RUFY1: variants seen among roughly 807,000 people sequenced by gnomAD.
RUFY1 encodes RUN and FYVE domain-containing protein 1.
RUFY1 carries 54 observed loss-of-function variants against 94.6 expected under a neutral mutation model. The ratio of observed to expected loss-of-function variants is 0.57; its 90% CI spans 0.46 to 0.72. The LOEUF (loss-of-function observed/expected upper bound fraction) is 0.72, where lower values mean the gene tolerates loss of function less well. RUFY1 is among the 30% of genes least tolerant of loss of function. RUFY1 has a pLI of 0.00. For missense variants in RUFY1, 883 were observed against 883.9 expected (o/e 1.00, Z 0.01); for synonymous variants, 396 against 347.3 (o/e 1.14, Z -1.56).
intron 5 of RUFY1, among the ~76,000 whole-genome samples, chr5:179,571,887 A>G (rs1300721886): frequency 6.6e-6 from 1 of 151,986 alleles, no homozygotes; most frequent in South Asian, 2.1e-4. Flanking sequence ...ATTAAAGACT[A>G]AGCACATTGA....
intron 15 of RUFY1, among the ~76,000 whole-genome samples, chr5:179,603,934 G>A (rs1311595081): frequency 6.6e-6 from 1 of 152,192 alleles, no homozygotes; most frequent in Non-Finnish European, 1.5e-5. Flanking sequence ...GAGCGCGCCT[G>A]TAATCCCAGC....
intron 9 of RUFY1, 57 bp downstream of exon 9, chr5:179,589,704 CAA>C: frequency 7.9e-7 from 1 of 1,262,126 alleles, no homozygotes. Context: ...CACCTATTGT[CAA>C]TCTCAAGCTC....
intron 5 of RUFY1, among the ~76,000 whole-genome samples, chr5:179,574,458 G>A (rs77842641): frequency 0.15 from 22,561 of 152,072 alleles, 1,760 homozygotes; most frequent in South Asian, 0.22. Flanking sequence ...GTTTTCTACC[G>A]CAGCTTATTA....
At chr5:179,599,893 GAC>G (rs1250186894) in intron 14 of RUFY1, among the ~76,000 whole-genome samples, 7 of 152,218 alleles carry the variant, frequency 4.6e-5, no homozygotes, top group African/African-American at 1.7e-4. Context: ...CGTGGTAATG[GAC>G]ACACTGCACG....
intron 5 of RUFY1, chr5:179,572,601 C>A: frequency 8.9e-6 from 2 of 224,706 alleles, no homozygotes; most frequent in South Asian, 1.4e-4. Flanking sequence ...CTGGGGTGCT[C>A]CATGGATGAG....
At chr5:179,560,780 C>T (rs1762400337) in intron 2 of RUFY1, among the ~76,000 whole-genome samples, 1 of 150,310 alleles carries the variant, frequency 6.7e-6, no homozygotes, top group African/African-American at 2.4e-5. Context: ...AGATGCCTTT[C>T]TGTGGGGATA....
At chr5:179,564,072 A>C (rs1160423597) in intron 3 of RUFY1, among the ~76,000 whole-genome samples, 2 of 143,674 alleles carry the variant, frequency 1.4e-5, no homozygotes, top group African/African-American at 5.2e-5. Flanking sequence ...CAGCTCACTC[A>C]CTCCCTCAAG....
chr5:179,570,010 C>A lies in RUFY1; in HGVS notation c.828+585C>A, dbSNP rs538537466. On this transcript the variant is annotated intron_variant, in intron 5 of 17. Transcript: ENST00000319449. ...CCGCCCACCTCGGCCTCCCAAAGTG[C>A]TGGGATTACAGGCGTGAGCCACTGC... Among the ~76,000 whole-genome samples the A allele has an allele frequency of 2.6e-3, 397 of 152,034 alleles. 1 individual carries two copies. Among genetic ancestry groups the A allele is most frequent in the Non-Finnish European group, 4.9e-3 (331 of 67,992 alleles).
At position 179,574,327 on chromosome 5, in the gene RUFY1, A is replaced by G. The variant is rs185133391; in HGVS notation, c.829-2748A>G. ...GGAGAATCGCTGGAACCTGGGAGGC[A>G]GAGGCTGCAGTGAGCTGAGACCGTG... On this transcript the variant is annotated intron_variant, in intron 5 of 17. Transcript: ENST00000319449. 6.1e-3 allele frequency among the ~76,000 whole-genome samples: 927 copies of G among 152,292 alleles called. 5 individuals carry two copies. Among genetic ancestry groups the G allele is most frequent in the South Asian group, 0.021 (101 of 4,828 alleles).
intron 2 of RUFY1, among the ~76,000 whole-genome samples, chr5:179,561,768 C>T (rs1181179371): frequency 2.1e-5 from 3 of 144,604 alleles, no homozygotes; most frequent in Non-Finnish European, 3.0e-5. Context: ...CTGCAAGCTC[C>T]TCCTCCCAGG....
chr5:179,583,991 G>A (rs952303915), intron 7 of RUFY1, among the ~76,000 whole-genome samples: 48 of 151,876 alleles, frequency 3.2e-4, no homozygotes, highest in African/African-American at 9.7e-5. Flanking sequence ...GTTGTGATCC[G>A]CCCGCCTCGG....
chr5:179,574,104 A>G (rs529490405), intron 5 of RUFY1, among the ~76,000 whole-genome samples: 29 of 152,088 alleles, frequency 1.9e-4, no homozygotes, highest in Admixed American at 7.9e-4. Flanking sequence ...GAATTGTATT[A>G]GCCTCATAAA....
chr5:179,563,821 G>GC (rs557844182), intron 3 of RUFY1, among the ~76,000 whole-genome samples: 140 of 152,164 alleles, frequency 9.2e-4, no homozygotes, highest in African/African-American at 3.3e-3. Flanking sequence ...ACAGGCACGT[G>GC]CCACCACACC....
At chr5:179,551,758 C>T (rs562222642) in intron 1 of RUFY1, among the ~76,000 whole-genome samples, 1 of 150,812 alleles carries the variant, frequency 6.6e-6, no homozygotes, top group Non-Finnish European at 1.5e-5. Flanking sequence ...TGTGATACAC[C>T]TGCCTCGGCC....
At position 179,560,139 on chromosome 5, in the gene RUFY1, A is replaced by G. The variant is rs1762330424; in HGVS notation, c.425A>G (p.His142Arg). ...CTGGGCCGCAGCCTGGATGCGGACCATGCCCCCTTGCAGCAGTTCTTTGTA... is the reference window on the plus strand; with the variant it reads ...CTGGGCCGCAGCCTGGATGCGGACCGTGCCCCCTTGCAGCAGTTCTTTGTA... ...LSLGRSLDAD[H>R]APLQQFFVVM... is the part of the protein sequence containing the mutation. The change falls in exon 2 of 18, where the codon CAT (histidine) becomes CGT (arginine). Residue 142 changes from histidine to arginine, a missense_variant. Physicochemically the swap from His to Arg is conservative, Grantham distance 29. Transcript: ENST00000319449. The G allele has an allele frequency of 1.9e-6, 3 of 1,613,992 alleles. No homozygotes were observed. The highest frequency in any genetic ancestry group is 1.7e-6 in the Non-Finnish European group (2 of 1,180,004).
chr5:179,580,241 G>GTGTGTGTGTGTGTATATATA (rs149099074), intron 6 of RUFY1, among the ~76,000 whole-genome samples: 8 of 93,852 alleles, frequency 8.5e-5, no homozygotes, highest in Non-Finnish European at 1.4e-4. Context: ...GTGTGTGTGT[G>GTGTGTGTGTGTGTATATATA]TATATTTTTT....
intron 15 of RUFY1, 130 bp downstream of exon 15, chr5:179,602,116 C>T (rs1766497107): frequency 8.5e-6 from 6 of 704,164 alleles, no homozygotes; most frequent in Admixed American, 2.5e-5. Context: ...CCGCCGTTCA[C>T]GGATGAGCTC....
At chr5:179,601,490 T>C (rs995180033) in intron 14 of RUFY1, among the ~76,000 whole-genome samples, 30 of 151,372 alleles carry the variant, frequency 2.0e-4, no homozygotes, top group African/African-American at 7.0e-4. Flanking sequence ...TTGAAAAACA[T>C]TCTGATCTGC....
At chr5:179,561,630 G>A (rs1319213783) in intron 2 of RUFY1, among the ~76,000 whole-genome samples, 17 of 149,260 alleles carry the variant, frequency 1.1e-4, no homozygotes, top group African/African-American at 4.2e-4. Flanking sequence ...AAAAAAGGGG[G>A]AAGAATTTCA....
Sources: allele counts gnomAD v4.1 joint callset (sites outside exome capture counted in the v4.1 genomes callset), GRCh38; gene constraint gnomAD v4.1.1; transcripts MANE v1.5; gene names NCBI Gene and HGNC (gene_info 2026-07-23, HGNC 2026-07-21).